Variants in MCF2L2 observed in about 807,000 individuals in gnomAD.
MCF2L2 encodes the protein probable guanine nucleotide exchange factor MCF2L2.
In MCF2L2, 102 loss-of-function variants were observed where a neutral mutation model predicts 150.2. That is an observed-to-expected ratio of 0.68 (90% CI 0.58 to 0.80). The LOEUF (loss-of-function observed/expected upper bound fraction) is 0.80. Among genes scored for constraint, MCF2L2 ranks in the 30% least tolerant of loss-of-function variants. The pLI is 0.00. For missense variants in MCF2L2, 1,256 were observed against 1,372.8 expected (o/e 0.91, Z 1.34); for synonymous variants, 465 against 491.3 (o/e 0.95, Z 0.71).
At chr3:183,388,266 C>T (rs917645619) in intron 2 of MCF2L2, among the ~76,000 whole-genome samples, 1 of 152,178 alleles carries the variant, frequency 6.6e-6, no homozygotes, top group Non-Finnish European at 1.5e-5. Context: ...TAGTCTAAGG[C>T]TCTAGGAATC....
At chr3:183,358,879 C>T (rs189675652) in intron 3 of MCF2L2, among the ~76,000 whole-genome samples, 11 of 152,128 alleles carry the variant, frequency 7.2e-5, no homozygotes, top group Middle Eastern at 3.4e-3. Context: ...CTTGGCCTCC[C>T]GAAGTGCTGG....
chr3:183,389,556 C>T, intron 2 of MCF2L2, 140 bp downstream of exon 2: 1 of 682,064 alleles, frequency 1.5e-6, no homozygotes, highest in Non-Finnish European at 2.6e-6. Context: ...CAGGATAGGC[C>T]TCAGCCTGTT....
chr3:183,223,482 A>C (rs201915984), intron 19 of MCF2L2, 44 bp from the exon 20 acceptor site: 82 of 1,416,422 alleles, frequency 5.8e-5, no homozygotes, highest in Non-Finnish European at 8.0e-5. Context: ...AACAAACAAC[A>C]CACACAGAAT....
intron 14 of MCF2L2, among the ~76,000 whole-genome samples, 179 bp downstream of exon 14, chr3:183,288,941 A>G (rs868695342): frequency 7.2e-5 from 11 of 152,212 alleles, no homozygotes; most frequent in Admixed American, 6.5e-5. Context: ...GCCGTTAAGA[A>G]GAAAGAAAAG....
chr3:183,301,154 G>A (rs73066043), intron 10 of MCF2L2, among the ~76,000 whole-genome samples: 11,603 of 151,772 alleles, frequency 0.076, 1,108 homozygotes, highest in African/African-American at 0.22. Flanking sequence ...CTAACCACAC[G>A]TGCCAAGTTT....
chr3:183,410,122 T>C (rs931852660), intron 1 of MCF2L2, among the ~76,000 whole-genome samples: 3 of 152,172 alleles, frequency 2.0e-5, no homozygotes, highest in African/African-American at 7.2e-5. Flanking sequence ...AAAGTGGCTA[T>C]TCCCCTTATC....
At chr3:183,299,977 A>G in intron 11 of MCF2L2, 28 bp downstream of exon 11, 1 of 1,601,890 alleles carries the variant, frequency 6.2e-7, no homozygotes, top group Non-Finnish European at 8.5e-7. Flanking sequence ...TCTTGCAGAC[A>G]TCATGTTCTT....
At position 183,270,620 on chromosome 3, in the gene MCF2L2, A is replaced by T; in HGVS notation, c.1862+6252T>A. ...CCAAAGTCTATGAGGCATCACAGAC[A>T]CTAAATTCAAGTCTTTACATAGACG... On this transcript the variant is annotated intron_variant, in intron 15 of 29. Transcript: ENST00000328913. The surrounding 1 kb of genome is among the most constrained non-coding windows in gnomAD (Gnocchi z 4.5). 3 of 1,614,220 alleles carry T rather than the reference A, an allele frequency of 1.9e-6. No homozygotes were observed. The highest frequency in any genetic ancestry group is 2.5e-6 in the Non-Finnish European group (3 of 1,180,044).
chr3:183,283,597 C>T lies in MCF2L2; in HGVS notation c.1776+5523G>A, dbSNP rs1369013963. On this transcript the variant is annotated intron_variant, in intron 14 of 29. Coordinates refer to ENST00000328913, the MANE Select transcript of MCF2L2 (RefSeq NM_015078.4). The surrounding 1 kb of genome is among the most constrained non-coding windows in gnomAD (Gnocchi z 4.2). ...AGAGCAGTGGCACCATCTTGGCTCA[C>T]TGCACCCTCTGCCTCCCAGGTTCAA... Among the ~76,000 whole-genome samples the T allele has an allele frequency of 6.6e-6, 1 of 152,050 alleles. No individual in the cohort carries two copies. Among genetic ancestry groups the T allele is most frequent in the Non-Finnish European group, 1.5e-5 (1 of 68,016 alleles).
intron 22 of MCF2L2, among the ~76,000 whole-genome samples, chr3:183,209,948 A>AT (rs2108650251): frequency 6.6e-6 from 1 of 152,074 alleles, no homozygotes; most frequent in South Asian, 2.1e-4. Flanking sequence ...AAAAAAAAAA[A>AT]CTCCAAAACA....
intron 14 of MCF2L2, among the ~76,000 whole-genome samples, chr3:183,279,332 G>A (rs892659297): frequency 6.6e-6 from 1 of 152,068 alleles, no homozygotes; most frequent in African/African-American, 2.4e-5. Flanking sequence ...AAAGCTCTAG[G>A]AGGAAGAGAG....
At chr3:183,318,960 G>T (rs1161522150) in intron 6 of MCF2L2, among the ~76,000 whole-genome samples, 2 of 152,242 alleles carry the variant, frequency 1.3e-5, no homozygotes, top group African/African-American at 4.8e-5. Context: ...GTTGCCGAAG[G>T]CTGGAATGGT....
At chr3:183,276,385 G>GAATCCCCA (rs1727155658) in intron 15 of MCF2L2, among the ~76,000 whole-genome samples, 1 of 152,080 alleles carries the variant, frequency 6.6e-6, no homozygotes. Flanking sequence ...ATCATGATGG[G>GAATCCCCA]GATTCTGAGT....
chr3:183,398,890 T>G (rs1276614216), intron 1 of MCF2L2, among the ~76,000 whole-genome samples: 1 of 152,198 alleles, frequency 6.6e-6, no homozygotes, highest in Non-Finnish European at 1.5e-5. Context: ...GGTGAATGTT[T>G]CATAATCTTC....
chr3:183,392,463 T>A (rs1028221958), intron 1 of MCF2L2, among the ~76,000 whole-genome samples: 5 of 152,222 alleles, frequency 3.3e-5, no homozygotes, highest in Non-Finnish European at 5.9e-5. Flanking sequence ...GAGACCTTTC[T>A]CGCTAGCCTC....
At chr3:183,314,827 A>G (rs1167665991) in intron 7 of MCF2L2, among the ~76,000 whole-genome samples, 2 of 145,622 alleles carry the variant, frequency 1.4e-5, no homozygotes, top group Non-Finnish European at 3.0e-5. Context: ...CACTCACGGT[A>G]AAATAAAATA....
intron 14 of MCF2L2, among the ~76,000 whole-genome samples, chr3:183,279,845 A>T (rs1727373608): frequency 6.6e-6 from 1 of 152,182 alleles, no homozygotes; most frequent in Admixed American, 6.5e-5. Flanking sequence ...CCTGACCAAC[A>T]TGGTGAAAAC....
At chr3:183,409,474 T>C (rs902187398) in intron 1 of MCF2L2, among the ~76,000 whole-genome samples, 4 of 152,038 alleles carry the variant, frequency 2.6e-5, no homozygotes, top group Admixed American at 2.0e-4. Context: ...ACCATTAAAC[T>C]TAATTAAATA....
At chr3:183,392,199 G>A (rs750499723) in intron 1 of MCF2L2, among the ~76,000 whole-genome samples, 7 of 152,194 alleles carry the variant, frequency 4.6e-5, no homozygotes, top group Non-Finnish European at 1.0e-4. Flanking sequence ...AGACATTAGC[G>A]AAGTCAACGA....
Sources: gnomAD v4.1 joint callset for allele counts (sites outside exome capture counted in the v4.1 genomes callset) on GRCh38, gnomAD v4.1.1 for gene constraint, Gnocchi (gnomAD v3.1) non-coding constraint, MANE v1.5 for transcripts, NCBI Gene and HGNC (gene_info 2026-07-23, HGNC 2026-07-21) for gene names.